PRKCA: variants seen among roughly 807,000 people sequenced by gnomAD.
PRKCA encodes the protein protein kinase C alpha type.
PRKCA carries 27 observed loss-of-function variants against 87.0 expected under a neutral mutation model. That is an observed-to-expected ratio of 0.31 (90% CI 0.23 to 0.43). PRKCA has a LOEUF of 0.43. Among genes scored for constraint, PRKCA ranks in the 20% least tolerant of loss-of-function variants. PRKCA has a pLI of 1.00. For missense variants in PRKCA, 518 were observed against 852.3 expected (o/e 0.61, Z 4.88); for synonymous variants, 329 against 311.1 (o/e 1.06, Z -0.61).
At chr17:66,770,539 A>C (rs1375019334) in intron 13 of PRKCA, among the ~76,000 whole-genome samples, 1 of 152,246 alleles carries the variant, frequency 6.6e-6, no homozygotes, top group Non-Finnish European at 1.5e-5. Flanking sequence ...GCTGACTCCC[A>C]GATGTGTAAG....
chr17:66,781,862 G>T lies in PRKCA; in HGVS notation c.1606-5005G>T, dbSNP rs1459813805. 8.8e-5 allele frequency among the ~76,000 whole-genome samples: 10 copies of T among 113,272 alleles called. No homozygotes were observed. The East Asian group carries it at 2.2e-3, about 25-fold the overall frequency. The allele number at this position is 113,272 out of a possible 152,430, so 74.3% of individuals were successfully genotyped here. ...TGGTAAATTTTGTGAGAGAGAGAGA[G>T]AGAGAGATATATATATATATATATA... is the stretch of plus-strand genomic sequence containing the variant. On this transcript the variant is annotated intron_variant, in intron 14 of 16. Transcript: ENST00000413366.
chr17:66,631,512 G>A (rs28616276), intron 3 of PRKCA, among the ~76,000 whole-genome samples: 1,839 of 152,166 alleles, frequency 0.012, 33 homozygotes, highest in African/African-American at 0.042. Context: ...TCGAACACCT[G>A]GGCTTAAGCA....
chr17:66,587,895 G>GTA lies in PRKCA; in HGVS notation c.289-53424_289-53423dup, dbSNP rs71160580. Among the ~76,000 whole-genome samples, 90 of 85,376 alleles carry GTA rather than the reference G, an allele frequency of 1.1e-3. 1 individual carries two copies. The highest frequency in any genetic ancestry group is 6.1e-3 in the Middle Eastern group (1 of 164). The allele number at this position is 85,376 out of a possible 152,430, so 56.0% of individuals were successfully genotyped here. A position where few individuals can be genotyped will look rare whatever the true frequency, so the allele number is the denominator to read the frequency against. ...TGTGTGTGTGTGTGTGTGTGTGTGT[G>GTA]TATATATATATATATATATATATAT... On this transcript the variant is annotated intron_variant, in intron 3 of 16. Transcript: ENST00000413366.
chr17:66,490,178 C>T (rs759130495), intron 2 of PRKCA, among the ~76,000 whole-genome samples: 6 of 152,028 alleles, frequency 3.9e-5, no homozygotes, highest in Non-Finnish European at 8.8e-5. Flanking sequence ...CTTCCTATTC[C>T]TCTTATTTAT....
At chr17:66,337,675 T>G (rs890665053) in intron 2 of PRKCA, among the ~76,000 whole-genome samples, 2 of 152,196 alleles carry the variant, frequency 1.3e-5, no homozygotes, top group African/African-American at 4.8e-5. Context: ...CATGAGCCAC[T>G]GTACCCAGCA....
chr17:66,510,526 A>G (rs969278775), intron 3 of PRKCA, among the ~76,000 whole-genome samples: 1 of 152,204 alleles, frequency 6.6e-6, no homozygotes, highest in Non-Finnish European at 1.5e-5. Context: ...TTTGTAACCA[A>G]TTGCAATTCA....
chr17:66,342,752 T>C, intron 2 of PRKCA, among the ~76,000 whole-genome samples: 1 of 152,140 alleles, frequency 6.6e-6, no homozygotes. Context: ...TTCAAAAAAA[T>C]TGCTTCAGCT....
chr17:66,518,046 A>G (rs536728664), intron 3 of PRKCA, among the ~76,000 whole-genome samples: 2 of 152,264 alleles, frequency 1.3e-5, no homozygotes, highest in South Asian at 4.1e-4. Flanking sequence ...CTTACCTCCC[A>G]GTAGCTGAGA....
At chr17:66,535,948 A>G (rs1263090505) in intron 3 of PRKCA, among the ~76,000 whole-genome samples, 3 of 152,206 alleles carry the variant, frequency 2.0e-5, no homozygotes, top group Non-Finnish European at 4.4e-5. Context: ...TACTGAATGG[A>G]CAGCATTTCC....
chr17:66,475,865 T>C (rs1915513976), intron 2 of PRKCA, among the ~76,000 whole-genome samples: 1 of 152,126 alleles, frequency 6.6e-6, no homozygotes, highest in Admixed American at 6.6e-5. Flanking sequence ...GGGTCCTTTT[T>C]AAATACTATT....
chr17:66,582,151 C>T (rs1000588105), intron 3 of PRKCA, among the ~76,000 whole-genome samples: 3 of 152,142 alleles, frequency 2.0e-5, no homozygotes, highest in Non-Finnish European at 4.4e-5. Context: ...CCAGCATTTG[C>T]GTCGTGTATA....
At chr17:66,398,937 A>G (rs991442639) in intron 2 of PRKCA, among the ~76,000 whole-genome samples, 4 of 152,066 alleles carry the variant, frequency 2.6e-5, no homozygotes, top group African/African-American at 7.2e-5. Context: ...ATTTTATTTA[A>G]TGCTCGATTT....
At chr17:66,704,426 T>G (rs1413503525) in intron 8 of PRKCA, among the ~76,000 whole-genome samples, 1 of 152,202 alleles carries the variant, frequency 6.6e-6, no homozygotes, top group African/African-American at 2.4e-5. Context: ...AACTCTATAA[T>G]AAAATTTGTT....
intron 3 of PRKCA, among the ~76,000 whole-genome samples, chr17:66,623,745 T>C (rs986471318): frequency 6.6e-6 from 1 of 151,844 alleles, no homozygotes; most frequent in Non-Finnish European, 1.5e-5. Flanking sequence ...GAACAAAAGC[T>C]CTGGAGGGCC....
At chr17:66,772,586 G>A (rs1010207530) in intron 13 of PRKCA, among the ~76,000 whole-genome samples, 5 of 152,104 alleles carry the variant, frequency 3.3e-5, no homozygotes, top group Admixed American at 2.6e-4. Flanking sequence ...AGTGTGTCTT[G>A]ACCTTGAATC....
At chr17:66,412,423 A>C (rs1007793799) in intron 2 of PRKCA, among the ~76,000 whole-genome samples, 3 of 152,174 alleles carry the variant, frequency 2.0e-5, no homozygotes, top group African/African-American at 7.2e-5. Flanking sequence ...CTGACAAATC[A>C]GTTTTTCAGA....
intron 8 of PRKCA, among the ~76,000 whole-genome samples, chr17:66,723,664 G>T (rs1043501634): frequency 6.6e-6 from 1 of 151,864 alleles, no homozygotes; most frequent in Non-Finnish European, 1.5e-5. Flanking sequence ...TGACGACCAG[G>T]GTGGAGGGAA....
intron 2 of PRKCA, among the ~76,000 whole-genome samples, chr17:66,367,123 A>C (rs901201165): frequency 5.0e-4 from 76 of 152,250 alleles, no homozygotes; most frequent in African/African-American, 1.7e-3. Flanking sequence ...AACTGGCCTC[A>C]ATTTGCAAAC....
intron 14 of PRKCA, among the ~76,000 whole-genome samples, chr17:66,784,091 T>C (rs1259218198): frequency 6.6e-6 from 1 of 152,254 alleles, no homozygotes; most frequent in Non-Finnish European, 1.5e-5. Context: ...ACAGGCCCTC[T>C]TGGGCCATGT....
Sources: gnomAD v4.1 joint callset for allele counts (sites outside exome capture counted in the v4.1 genomes callset) on GRCh38, gnomAD v4.1.1 for gene constraint, MANE v1.5 for transcripts, NCBI Gene and HGNC (gene_info 2026-07-23, HGNC 2026-07-21) for gene names.